Variants in ANO4 observed in about 807,000 individuals in gnomAD.
ANO4 encodes anoctamin 4, also known as anoctamin-4.
Under a neutral mutation model 141.9 loss-of-function variants are expected in ANO4, and 69 were observed. That is an observed-to-expected ratio of 0.49 (90% CI 0.40 to 0.59). The LOEUF (loss-of-function observed/expected upper bound fraction) is 0.59, where lower values mean the gene tolerates loss of function less well. Ranked by LOEUF, ANO4 falls within the 20% of genes least tolerant of loss-of-function variation. The pLI is 0.00. For synonymous variants in ANO4, 350 were observed against 394.3 expected (o/e 0.89, Z 1.33); for missense variants, 894 against 1,162.2 (o/e 0.77, Z 3.36).
At chr12:101,031,397 A>G (rs1420917728) in intron 9 of ANO4, among the ~76,000 whole-genome samples, 1 of 152,212 alleles carries the variant, frequency 6.6e-6, no homozygotes, top group East Asian at 1.9e-4. Context: ...CCTTCATGCT[A>G]AAAACTCTCA....
At chr12:101,045,701 T>TACTGG (rs1385645093) in intron 13 of ANO4, among the ~76,000 whole-genome samples, 1 of 152,190 alleles carries the variant, frequency 6.6e-6, no homozygotes, top group Non-Finnish European at 1.5e-5. Flanking sequence ...CCAGAACAGA[T>TACTGG]ACTGGGGTGG....
intron 5 of ANO4, among the ~76,000 whole-genome samples, chr12:100,968,617 C>T (rs2043786711): frequency 6.6e-6 from 1 of 152,088 alleles, no homozygotes; most frequent in Non-Finnish European, 1.5e-5. Flanking sequence ...GCCACAAAGC[C>T]TTCCCAGATC....
At chr12:100,904,904 A>C (rs959610793) in intron 2 of ANO4, among the ~76,000 whole-genome samples, 2 of 152,204 alleles carry the variant, frequency 1.3e-5, no homozygotes, top group Admixed American at 1.3e-4. Flanking sequence ...GAACAGCAGA[A>C]GTAATGGTGA....
chr12:100,739,077 ATCTT>A (rs766926439), intron 2 of ANO4, among the ~76,000 whole-genome samples: 57 of 144,390 alleles, frequency 3.9e-4, no homozygotes, highest in Non-Finnish European at 6.7e-4. Flanking sequence ...ATATATCTAA[ATCTT>A]TATGTATATA....
intron 3 of ANO4, among the ~76,000 whole-genome samples, chr12:100,745,692 A>G (rs2032070636): frequency 6.6e-6 from 1 of 152,220 alleles, no homozygotes; most frequent in Non-Finnish European, 1.5e-5. Flanking sequence ...CATCCATTTA[A>G]TAGAAATTCT....
chr12:101,052,546 A>T (rs2047918442), intron 14 of ANO4, among the ~76,000 whole-genome samples: 2 of 152,172 alleles, frequency 1.3e-5, no homozygotes. Flanking sequence ...AGTTATCCCC[A>T]GTAAACACAC....
At chr12:100,955,202 T>G (rs1480438488) in intron 5 of ANO4, among the ~76,000 whole-genome samples, 1 of 152,252 alleles carries the variant, frequency 6.6e-6, no homozygotes, top group South Asian at 2.1e-4. Flanking sequence ...AAAATAATAG[T>G]CATTCTTTTT....
chr12:100,936,446 A>C (rs1364725472), intron 3 of ANO4, among the ~76,000 whole-genome samples: 1 of 152,126 alleles, frequency 6.6e-6, no homozygotes, highest in Non-Finnish European at 1.5e-5. Context: ...GGGAGACAAA[A>C]CTGGTCCCAG....
chr12:100,738,950 T>TA (rs1427973183), intron 2 of ANO4, among the ~76,000 whole-genome samples: 9 of 150,730 alleles, frequency 6.0e-5, no homozygotes, highest in Non-Finnish European at 1.0e-4. Context: ...CTTTTTTACT[T>TA]ACGTCTTCTG....
intron 17 of ANO4, among the ~76,000 whole-genome samples, chr12:101,093,494 C>G (rs1436501755): frequency 6.6e-6 from 1 of 152,150 alleles, no homozygotes; most frequent in African/African-American, 2.4e-5. Context: ...GTCTATTAAA[C>G]TACTTTTCCT....
At chr12:101,051,037 CACAGTTT>C (rs1442845954) in intron 14 of ANO4, among the ~76,000 whole-genome samples, 3 of 152,182 alleles carry the variant, frequency 2.0e-5, no homozygotes, top group Non-Finnish European at 4.4e-5. Flanking sequence ...GGTTTCTTCT[CACAGTTT>C]ACCTCCTGAG....
At chr12:100,725,514 T>A (rs2031077017) in intron 1 of ANO4, among the ~76,000 whole-genome samples, 2 of 151,822 alleles carry the variant, frequency 1.3e-5, no homozygotes, top group Non-Finnish European at 2.9e-5. Flanking sequence ...GCCCGGCTAA[T>A]TTTTTGTATT....
intron 8 of ANO4, among the ~76,000 whole-genome samples, chr12:100,987,897 C>G (rs1184835221): frequency 6.6e-6 from 1 of 152,128 alleles, no homozygotes; most frequent in African/African-American, 2.4e-5. Flanking sequence ...AATGCTTGCT[C>G]ATGTGTGTGT....
intron 8 of ANO4, among the ~76,000 whole-genome samples, chr12:100,990,601 GT>G (rs1468593885): frequency 6.6e-6 from 1 of 152,124 alleles, no homozygotes; most frequent in East Asian, 1.9e-4. Context: ...CACTGTCTGG[GT>G]ACAGAGGGTA....
At chr12:100,797,112 G>A (rs1007408693) in intron 1 of ANO4, among the ~76,000 whole-genome samples, 10 of 144,716 alleles carry the variant, frequency 6.9e-5, no homozygotes, top group Middle Eastern at 7.1e-3. Flanking sequence ...ATGTGCAATT[G>A]TTTATATATA....
chr12:101,103,227 A>ATATATATATC (rs2050279242), intron 22 of ANO4, among the ~76,000 whole-genome samples: 9 of 108,850 alleles, frequency 8.3e-5, no homozygotes, highest in African/African-American at 3.7e-4. Context: ...ATATATATAT[A>ATATATATATC]TATCTTTTTG....
chr12:100,953,117 G>A (rs1055003425), intron 5 of ANO4, among the ~76,000 whole-genome samples: 1 of 152,174 alleles, frequency 6.6e-6, no homozygotes, highest in Non-Finnish European at 1.5e-5. Flanking sequence ...AGCACGTTTT[G>A]CATAATCATC....
At chr12:100,869,488 T>C (rs2038927176) in intron 1 of ANO4, among the ~76,000 whole-genome samples, 1 of 152,202 alleles carries the variant, frequency 6.6e-6, no homozygotes, top group Non-Finnish European at 1.5e-5. Context: ...TTCGAAGTTT[T>C]CATATTTGTC....
chr12:100,914,284 G>A (rs2041240282), intron 2 of ANO4, among the ~76,000 whole-genome samples: 1 of 152,176 alleles, frequency 6.6e-6, no homozygotes, highest in East Asian at 1.9e-4. Flanking sequence ...TTCCATTTTA[G>A]ACCTGAGAAA....
Sources: allele counts gnomAD v4.1 joint callset (sites outside exome capture counted in the v4.1 genomes callset), GRCh38; gene constraint gnomAD v4.1.1; transcripts MANE v1.5; gene names NCBI Gene and HGNC (gene_info 2026-07-23, HGNC 2026-07-21).